Variants in VRK1 observed in about 807,000 individuals in gnomAD.
VRK1 encodes VRK serine/threonine kinase 1.
A neutral mutation model predicts 57.1 loss-of-function variants in VRK1; 33 were observed. The ratio of observed to expected loss-of-function variants is 0.58; its 90% confidence interval spans 0.44 to 0.77. The LOEUF (loss-of-function observed/expected upper bound fraction) is 0.77. Among genes scored for constraint, VRK1 ranks in the 30% least tolerant of loss-of-function variants. The probability of loss-of-function intolerance (pLI) is 0.00; values close to 1 mark genes in which losing one functional copy is unlikely to be tolerated. For synonymous variants in VRK1, 137 were observed against 147.8 expected (o/e 0.93, Z 0.53); for missense variants, 413 against 477.3 (o/e 0.87, Z 1.25).
At chr14:96,835,073 T>A (rs945704998) in intron 2 of VRK1, among the ~76,000 whole-genome samples, 1 of 152,182 alleles carries the variant, frequency 6.6e-6, no homozygotes, top group African/African-American at 2.4e-5. Context: ...AATAGTATTT[T>A]TAATAGGCAA....
rs12586511 is a variant in VRK1, at chr14:96,845,851, T to C, written c.217-244T>C. On this transcript the variant is annotated intron_variant, in intron 3 of 12. Coordinates refer to ENST00000216639, the MANE Select transcript of VRK1 (RefSeq NM_003384.3). ...TTTCTTAAACTTCTGCAGGCTGAGC[T>C]ATATATCTGATTTTGTATAATTTAT... Among the ~76,000 whole-genome samples the C allele has an allele frequency of 0.34, 52,127 of 152,038 alleles. 9,313 individuals are homozygous for C. Among genetic ancestry groups the C allele is most frequent in the South Asian group, 0.43 (2,074 of 4,814 alleles).
At chr14:96,858,790 A>T (rs1888268158) in intron 10 of VRK1, 1 of 152,102 alleles carries the variant, frequency 6.6e-6, no homozygotes, top group Non-Finnish European at 1.5e-5. Context: ...GCTTTATTTA[A>T]AGCTTGATAT....
chr14:96,874,550 A>G (rs1386001425), intron 11 of VRK1, among the ~76,000 whole-genome samples: 2 of 152,166 alleles, frequency 1.3e-5, no homozygotes, highest in African/African-American at 2.4e-5. Context: ...TCTTACAGCT[A>G]TTTTTGAGAG....
intron 5 of VRK1, 24 bp from the exon 6 acceptor site, chr14:96,852,807 T>C: frequency 7.5e-6 from 12 of 1,597,430 alleles, no homozygotes; most frequent in Non-Finnish European, 1.0e-5. Flanking sequence ...ATTTTGTTCA[T>C]TGGCTTTTCA....
At chr14:96,876,514 A>G (rs1447681435) in intron 12 of VRK1, among the ~76,000 whole-genome samples, 1 of 152,130 alleles carries the variant, frequency 6.6e-6, no homozygotes, top group African/African-American at 2.4e-5. Flanking sequence ...AAATAAATAA[A>G]ATAAATGACT....
chr14:96,814,014 C>T (rs1349736643), intron 1 of VRK1, among the ~76,000 whole-genome samples: 1 of 151,956 alleles, frequency 6.6e-6, no homozygotes, highest in Non-Finnish European at 1.5e-5. Flanking sequence ...TATAGCTTGC[C>T]ATATAGATGC....
At chr14:96,861,478 G>A (rs1281748524) in intron 11 of VRK1, among the ~76,000 whole-genome samples, 1 of 151,908 alleles carries the variant, frequency 6.6e-6, no homozygotes, top group East Asian at 1.9e-4. Context: ...ACTTTTAGAA[G>A]AAAAATTTTT....
chr14:96,852,962 G>C (rs371713506), intron 6 of VRK1, 23 bp downstream of exon 6: 275 of 1,611,732 alleles, frequency 1.7e-4, no homozygotes, highest in Non-Finnish European at 2.2e-4. Context: ...TGTTCTTCTT[G>C]TTTTTAAAAA....
At chr14:96,870,177 T>G (rs935853142) in intron 11 of VRK1, among the ~76,000 whole-genome samples, 4 of 152,174 alleles carry the variant, frequency 2.6e-5, no homozygotes, top group African/African-American at 9.6e-5. Flanking sequence ...TTTATAACTT[T>G]TGCAGCATGC....
At chr14:96,852,385 T>C (rs138590460) in intron 5 of VRK1, among the ~76,000 whole-genome samples, 16 of 152,320 alleles carry the variant, frequency 1.1e-4, no homozygotes, top group Middle Eastern at 3.4e-3. Flanking sequence ...CTCACGAGAA[T>C]CTTGATTTTA....
chr14:96,876,990 G>A (rs1889063397), intron 12 of VRK1, among the ~76,000 whole-genome samples: 1 of 151,574 alleles, frequency 6.6e-6, no homozygotes, highest in African/African-American at 2.4e-5. Flanking sequence ...GTGATATGAT[G>A]ATGTACTTGA....
intron 1 of VRK1, among the ~76,000 whole-genome samples, chr14:96,800,180 G>C (rs905616827): frequency 2.0e-5 from 3 of 152,130 alleles, no homozygotes; most frequent in African/African-American, 7.2e-5. Flanking sequence ...CAAAATTCCT[G>C]TGAATATATT....
intron 11 of VRK1, among the ~76,000 whole-genome samples, chr14:96,867,804 A>C (rs75757787): frequency 6.6e-6 from 1 of 151,914 alleles, no homozygotes; most frequent in East Asian, 1.9e-4. Context: ...TTTTTTAGTC[A>C]TATTTTAAGG....
chr14:96,840,471 C>T (rs1371915999), intron 3 of VRK1, among the ~76,000 whole-genome samples: 1 of 152,136 alleles, frequency 6.6e-6, no homozygotes, highest in African/African-American at 2.4e-5. Flanking sequence ...GATTTTTCTT[C>T]TTCTTCATTT....
chr14:96,842,343 A>G (rs144471105), intron 3 of VRK1, among the ~76,000 whole-genome samples: 1,627 of 152,336 alleles, frequency 0.011, 23 homozygotes, highest in South Asian at 0.055. Flanking sequence ...TAAAATGAGC[A>G]TCAGTTCTTT....
chr14:96,832,401 T>C (rs554864039), intron 1 of VRK1, among the ~76,000 whole-genome samples: 55 of 152,314 alleles, frequency 3.6e-4, no homozygotes, highest in East Asian at 2.5e-3. Flanking sequence ...CAAATACTTA[T>C]TTTAAATCTT....
At chr14:96,853,517 C>T (rs776657039) in intron 7 of VRK1, among the ~76,000 whole-genome samples, 7 of 152,050 alleles carry the variant, frequency 4.6e-5, no homozygotes, top group Non-Finnish European at 1.0e-4. Flanking sequence ...TTCAAGAAAT[C>T]CATCAAATGT....
intron 1 of VRK1, among the ~76,000 whole-genome samples, chr14:96,832,832 T>TG (rs952464722): frequency 5.3e-5 from 8 of 152,134 alleles, no homozygotes; most frequent in African/African-American, 1.7e-4. Flanking sequence ...CTTCCATAAT[T>TG]GTGGAGCATG....
intron 8 of VRK1, 55 bp downstream of exon 8, chr14:96,855,411 C>G: frequency 1.9e-6 from 3 of 1,612,498 alleles, no homozygotes; most frequent in Non-Finnish European, 2.5e-6. Context: ...CACCCAGATT[C>G]CTACATAGTT....
Sources: allele counts gnomAD v4.1 joint callset (sites outside exome capture counted in the v4.1 genomes callset), GRCh38; gene constraint gnomAD v4.1.1; transcripts MANE v1.5; gene names NCBI Gene and HGNC (gene_info 2026-07-23, HGNC 2026-07-21).